Variants in PPARGC1A observed in about 807,000 individuals in gnomAD.
PPARGC1A encodes the protein PPARG coactivator 1 alpha.
In PPARGC1A, 25 loss-of-function variants were observed where a neutral mutation model predicts 88.7. The observed-to-expected ratio is 0.28, with a 90% CI of 0.21 to 0.39. The LOEUF (loss-of-function observed/expected upper bound fraction) is 0.39, where lower values mean the gene tolerates loss of function less well. PPARGC1A is among the 10% of genes least tolerant of loss of function. The pLI, the probability that PPARGC1A is intolerant of heterozygous loss-of-function variation, is 1.00. For missense variants in PPARGC1A, 880 were observed against 968.7 expected, an observed-to-expected ratio of 0.91 and a Z score of 1.22; for synonymous variants, 363 against 355.6, an observed-to-expected ratio of 1.02 and a Z score of -0.24.
At chr4:24,451,290 T>C in the PPARGC1A span, among the ~76,000 whole-genome samples, 1 of 152,216 alleles carries the variant, frequency 6.6e-6, no homozygotes, top group East Asian at 1.9e-4. Context: ...CATTCAGGGC[T>C]TGTCATATTT....
the PPARGC1A span, among the ~76,000 whole-genome samples, chr4:23,932,059 AGTG>A: frequency 6.6e-6 from 1 of 152,206 alleles, no homozygotes; most frequent in Non-Finnish European, 1.5e-5. Flanking sequence ...GAGTTGCCAT[AGTG>A]GTGGTGGTCA....
At chr4:24,452,679 G>A in the PPARGC1A span, among the ~76,000 whole-genome samples, 21 of 152,158 alleles carry the variant, frequency 1.4e-4, no homozygotes, top group East Asian at 1.5e-3. Context: ...ATTCAATCAC[G>A]TGTGGCGTGG....
At chr4:23,800,886 A>C (rs1229163194) in intron 12 of PPARGC1A, among the ~76,000 whole-genome samples, 1 of 151,642 alleles carries the variant, frequency 6.6e-6, no homozygotes, top group African/African-American at 2.4e-5. Context: ...TAGTTCTAGT[A>C]ATTAAATGGA....
chr4:24,101,312 G>A, the PPARGC1A span, among the ~76,000 whole-genome samples: 22 of 152,262 alleles, frequency 1.4e-4, no homozygotes, highest in South Asian at 8.3e-4. Context: ...ATGATTGTAC[G>A]TTTCCTGAGG....
intron 1 of PPARGC1A, among the ~76,000 whole-genome samples, chr4:23,887,237 A>G (rs552266888): frequency 3.3e-5 from 5 of 151,822 alleles, no homozygotes; most frequent in African/African-American, 9.7e-5. Context: ...CTTTTATGTT[A>G]TGGTTGAGAA....
At chr4:23,964,949 C>A in the PPARGC1A span, among the ~76,000 whole-genome samples, 1 of 152,110 alleles carries the variant, frequency 6.6e-6, no homozygotes, top group Non-Finnish European at 1.5e-5. Flanking sequence ...ACTTACAAAC[C>A]AAATACAAAG....
chr4:24,269,098 T>C, the PPARGC1A span, among the ~76,000 whole-genome samples: 35 of 152,348 alleles, frequency 2.3e-4, no homozygotes, highest in Admixed American at 2.2e-3. Context: ...CTAAATTATG[T>C]ATTTCTTTTA....
chr4:24,466,748 C>A, the PPARGC1A span, among the ~76,000 whole-genome samples: 1 of 151,774 alleles, frequency 6.6e-6, no homozygotes, highest in East Asian at 1.9e-4. Context: ...AACCTCATCT[C>A]TACTAAAATA....
chr4:24,401,180 G>A, the PPARGC1A span, among the ~76,000 whole-genome samples: 4 of 151,626 alleles, frequency 2.6e-5, no homozygotes, highest in Admixed American at 6.6e-5. Context: ...CACTACGCCC[G>A]GCTAATTTTT....
chr4:24,281,828 G>A, the PPARGC1A span, among the ~76,000 whole-genome samples: 1 of 151,296 alleles, frequency 6.6e-6, no homozygotes, highest in Non-Finnish European at 1.5e-5. Flanking sequence ...CATTGACATA[G>A]CACTAACTAG....
the PPARGC1A span, among the ~76,000 whole-genome samples, chr4:24,052,918 C>T: frequency 8.5e-6 from 1 of 116,982 alleles, no homozygotes; most frequent in Non-Finnish European, 1.6e-5. Context: ...GGCTGAAGTG[C>T]AGTGGTGCTA....
chr4:24,472,468 G>C, the PPARGC1A span, among the ~76,000 whole-genome samples: 1 of 152,068 alleles, frequency 6.6e-6, no homozygotes, highest in African/African-American at 2.4e-5. This position sits in a 1 kb window ranked among gnomAD's most constrained non-coding sequence, Gnocchi z 4.5. Flanking sequence ...CCATGCTCTG[G>C]ATGCAAATAA....
At chr4:23,851,151 C>T (rs531823267) in intron 2 of PPARGC1A, among the ~76,000 whole-genome samples, 2 of 152,172 alleles carry the variant, frequency 1.3e-5, no homozygotes, top group Admixed American at 1.3e-4. Context: ...CAACCTAGAA[C>T]ACAATTTCAT....
chr4:24,016,279 A>G, the PPARGC1A span, among the ~76,000 whole-genome samples: 4 of 152,144 alleles, frequency 2.6e-5, no homozygotes, highest in African/African-American at 9.6e-5. Context: ...TTGGGTCACA[A>G]TGGGGTGTGA....
At chr4:23,967,724 T>C in the PPARGC1A span, among the ~76,000 whole-genome samples, 2 of 152,272 alleles carry the variant, frequency 1.3e-5, no homozygotes, top group South Asian at 4.1e-4. Flanking sequence ...TCTCTCTGCC[T>C]TTTCCTCCAT....
At chr4:24,340,218 T>C in the PPARGC1A span, among the ~76,000 whole-genome samples, 1 of 152,222 alleles carries the variant, frequency 6.6e-6, no homozygotes, top group Non-Finnish European at 1.5e-5. Context: ...TTTTGAACTA[T>C]AGAGATATAG....
chr4:24,155,388 C>T, the PPARGC1A span, among the ~76,000 whole-genome samples: 6 of 151,512 alleles, frequency 4.0e-5, no homozygotes, highest in Non-Finnish European at 7.4e-5. Context: ...TTTGGGAGGC[C>T]GAGGTGGGTG....
the PPARGC1A span, among the ~76,000 whole-genome samples, chr4:24,049,180 G>A: frequency 1.3e-5 from 2 of 149,344 alleles, no homozygotes; most frequent in African/African-American, 4.9e-5. Flanking sequence ...GAAAGAGAGA[G>A]ACTGTCTCTC....
chr4:23,879,599 T>C (rs536123856), intron 2 of PPARGC1A, among the ~76,000 whole-genome samples: 1 of 152,304 alleles, frequency 6.6e-6, no homozygotes, highest in South Asian at 2.1e-4. Context: ...TTCAAGGTAC[T>C]TTGAATCTGT....
Sources: gnomAD v4.1 joint callset for allele counts (sites outside exome capture counted in the v4.1 genomes callset) on GRCh38, gnomAD v4.1.1 for gene constraint, Gnocchi (gnomAD v3.1) non-coding constraint, MANE v1.5 for transcripts, NCBI Gene and HGNC (gene_info 2026-07-23, HGNC 2026-07-21) for gene names.